RBFOX1: variants seen among roughly 807,000 people sequenced by gnomAD.
The protein encoded by RBFOX1 is RNA binding protein fox-1 homolog 1.
In RBFOX1, 8 loss-of-function variants were observed where a neutral mutation model predicts 57.7. That is an observed-to-expected ratio of 0.14 (90% CI 0.08 to 0.25). RBFOX1 has a LOEUF of 0.25. RBFOX1 is among the 10% of genes least tolerant of loss of function. The pLI is 1.00. For missense variants in RBFOX1, 611 were observed against 548.5 expected, an observed-to-expected ratio of 1.11 and a Z score of -1.14; for synonymous variants, 326 against 222.4, an observed-to-expected ratio of 1.47 and a Z score of -4.15.
intron 3 of RBFOX1, among the ~76,000 whole-genome samples, chr16:6,664,709 G>T (rs1366357824): frequency 2.0e-5 from 3 of 152,218 alleles, no homozygotes; most frequent in Non-Finnish European, 4.4e-5. Flanking sequence ...GATAGGCAGG[G>T]ATGGAAGTCA....
At chr16:7,304,675 G>T (rs2096129042) in intron 4 of RBFOX1, among the ~76,000 whole-genome samples, 1 of 152,154 alleles carries the variant, frequency 6.6e-6, no homozygotes, top group Admixed American at 6.5e-5. Context: ...AGATGTTTCT[G>T]CACCTGTCCG....
chr16:7,336,132 G>T (rs2096782613), intron 4 of RBFOX1, among the ~76,000 whole-genome samples: 1 of 152,164 alleles, frequency 6.6e-6, no homozygotes, highest in African/African-American at 2.4e-5. Flanking sequence ...TGTCTGACCT[G>T]GTAACACAGG....
At chr16:7,081,422 T>C (rs1300450116) in intron 4 of RBFOX1, among the ~76,000 whole-genome samples, 2 of 152,214 alleles carry the variant, frequency 1.3e-5, no homozygotes, top group African/African-American at 2.4e-5. Flanking sequence ...ACTTTAGCTA[T>C]TATAACTTGG....
At chr16:7,701,487 A>ATGATC (rs1326119128) in intron 14 of RBFOX1, among the ~76,000 whole-genome samples, 1 of 152,172 alleles carries the variant, frequency 6.6e-6, no homozygotes, top group Non-Finnish European at 1.5e-5. Context: ...CTAATGCCTG[A>ATGATC]TGATCTGAAG....
chr16:7,157,104 A>T (rs541945018), intron 4 of RBFOX1, among the ~76,000 whole-genome samples: 1 of 152,284 alleles, frequency 6.6e-6, no homozygotes, highest in Middle Eastern at 3.4e-3. Flanking sequence ...CTTCCATGCT[A>T]TTGAGTGTGG....
chr16:7,392,994 C>G (rs1387998920), intron 4 of RBFOX1, among the ~76,000 whole-genome samples: 1 of 152,152 alleles, frequency 6.6e-6, no homozygotes, highest in Non-Finnish European at 1.5e-5. Flanking sequence ...CTGCTTCAGC[C>G]TCCCGTATAG....
intron 1 of RBFOX1, among the ~76,000 whole-genome samples, chr16:6,278,118 C>T (rs970572881): frequency 6.6e-6 from 1 of 151,976 alleles, no homozygotes; most frequent in African/African-American, 2.4e-5. Context: ...ATCTCTTTGC[C>T]ATTTTGCATG....
intron 4 of RBFOX1, among the ~76,000 whole-genome samples, chr16:7,370,840 A>C (rs1375869944): frequency 6.6e-6 from 1 of 152,216 alleles, no homozygotes; most frequent in Non-Finnish European, 1.5e-5. Context: ...TTTGGTAGGC[A>C]TGATTAATTG....
At chr16:6,872,386 A>G (rs549283104) in intron 3 of RBFOX1, among the ~76,000 whole-genome samples, 1 of 152,192 alleles carries the variant, frequency 6.6e-6, no homozygotes, top group African/African-American at 2.4e-5. Context: ...TAGCTTTACT[A>G]TGACCATAGC....
At chr16:5,273,034 C>G (rs9930410) in intron 1 of RBFOX1, among the ~76,000 whole-genome samples, 3,629 of 152,236 alleles carry the variant, frequency 0.024, 161 homozygotes, top group African/African-American at 0.083. Flanking sequence ...TTGCTGGTGG[C>G]AGTGGGCTGG....
At chr16:6,649,960 C>T (rs975959390) in intron 2 of RBFOX1, among the ~76,000 whole-genome samples, 1 of 152,058 alleles carries the variant, frequency 6.6e-6, no homozygotes, top group African/African-American at 2.4e-5. Flanking sequence ...GTGAATTGTG[C>T]TGCTATAAAA....
chr16:7,458,961 C>T (rs1033697609), intron 4 of RBFOX1, among the ~76,000 whole-genome samples: 2 of 152,264 alleles, frequency 1.3e-5, no homozygotes, highest in East Asian at 1.9e-4. Flanking sequence ...CCTTGCAGTG[C>T]CTTTCACAAA....
At chr16:7,551,784 T>A (rs1165852211) in intron 5 of RBFOX1, among the ~76,000 whole-genome samples, 1 of 152,172 alleles carries the variant, frequency 6.6e-6, no homozygotes, top group Non-Finnish European at 1.5e-5. Context: ...TAGGCCATGA[T>A]GTCAATATTT....
At chr16:6,547,952 C>T (rs938256573) in intron 2 of RBFOX1, among the ~76,000 whole-genome samples, 5 of 152,268 alleles carry the variant, frequency 3.3e-5, no homozygotes, top group African/African-American at 9.6e-5. Context: ...AGCTGGGAAA[C>T]GTAGAGAAGA....
At chr16:6,160,001 C>T (rs998198500) in intron 1 of RBFOX1, among the ~76,000 whole-genome samples, 6 of 152,266 alleles carry the variant, frequency 3.9e-5, no homozygotes, top group Admixed American at 6.5e-5. Context: ...CTCTTCCCAC[C>T]ACAGGTCAAT....
chr16:7,073,181 G>C (rs2057671853), intron 4 of RBFOX1, among the ~76,000 whole-genome samples: 1 of 152,168 alleles, frequency 6.6e-6, no homozygotes, highest in Non-Finnish European at 1.5e-5. Context: ...GCTATGGGCT[G>C]TCTTTGTAGT....
chr16:5,335,538 T>A (rs1209745288), intron 1 of RBFOX1, among the ~76,000 whole-genome samples: 1 of 152,046 alleles, frequency 6.6e-6, no homozygotes. Flanking sequence ...GTTCAGAGTT[T>A]TTCCCGTCAC....
intron 4 of RBFOX1, among the ~76,000 whole-genome samples, chr16:7,461,033 C>A (rs150214774): frequency 6.6e-6 from 1 of 152,124 alleles, no homozygotes; most frequent in Non-Finnish European, 1.5e-5. Flanking sequence ...TGAGTGAGGT[C>A]TTTAGGTTTC....
intron 1 of RBFOX1, among the ~76,000 whole-genome samples, chr16:6,089,389 C>T (rs1448539884): frequency 1.3e-5 from 2 of 152,112 alleles, no homozygotes; most frequent in East Asian, 3.9e-4. Flanking sequence ...ATAAGAGATT[C>T]AGATGCACTA....
Sources: allele counts gnomAD v4.1 joint callset (sites outside exome capture counted in the v4.1 genomes callset), GRCh38; gene constraint gnomAD v4.1.1; transcripts MANE v1.5; gene names NCBI Gene and HGNC (gene_info 2026-07-23, HGNC 2026-07-21).